Variants in CTNNA3 observed in about 807,000 individuals in gnomAD.
The protein encoded by CTNNA3 is catenin alpha-3.
Under a neutral mutation model 95.7 loss-of-function variants are expected in CTNNA3, and 76 were observed. The ratio of observed to expected loss-of-function variants is 0.79; its 90% CI spans 0.66 to 0.96. The LOEUF is 0.96. CTNNA3 is among the 40% of genes least tolerant of loss of function. CTNNA3 has a pLI of 0.00. For missense variants in CTNNA3, 1,191 were observed against 1,089.8 expected, an observed-to-expected ratio of 1.09 and a Z score of -1.31; for synonymous variants, 431 against 374.4, an observed-to-expected ratio of 1.15 and a Z score of -1.74.
intron 15 of CTNNA3, among the ~76,000 whole-genome samples, chr10:66,004,358 C>A (rs952638947): frequency 6.6e-6 from 1 of 152,184 alleles, no homozygotes; most frequent in Admixed American, 6.5e-5. Context: ...GAATTTCTTT[C>A]ATCAGAAATC....
At chr10:66,085,172 A>G (rs892883673) in intron 14 of CTNNA3, 2 of 152,176 alleles carry the variant, frequency 1.3e-5, no homozygotes, top group Admixed American at 1.3e-4. Context: ...AGATTTGTAG[A>G]AGAAGAATGA....
chr10:67,651,701 A>T (rs1381585292), intron 1 of CTNNA3, among the ~76,000 whole-genome samples: 1 of 152,206 alleles, frequency 6.6e-6, no homozygotes, highest in East Asian at 1.9e-4. Context: ...TATCATGAAG[A>T]GGCTTTTCCC....
At position 67,682,940 on chromosome 10, in the gene CTNNA3, A is replaced by G. The variant is rs539454374; in HGVS notation, c.-6+13060T>C. On this transcript the variant is annotated intron_variant, in intron 1 of 17. Coordinates refer to ENST00000433211, the MANE Select transcript of CTNNA3 (RefSeq NM_013266.4). ...GGCAGGTCTATTAGAACTGCTATGC[A>G]TCTGTCTTAACCAAATATAACTGTC... 2.6e-5 allele frequency among the ~76,000 whole-genome samples: 4 copies of G among 152,346 alleles called. No homozygotes were observed. In the East Asian group the frequency reaches 7.7e-4, roughly 29 times the overall value.
rs955295812 is a variant in CTNNA3 at position 66,962,314 on chromosome 10, T to A, written c.1048-186790A>T. Among the ~76,000 whole-genome samples, 22 of 152,136 alleles carry A rather than the reference T, an allele frequency of 1.4e-4. 1 individual carries two copies. Among genetic ancestry groups the A allele is most frequent in the African/African-American group, 4.1e-4 (17 of 41,440 alleles). Reference sequence around the variant, plus strand: ...TTACAGGAAGAGAACTTCCTCATGGTCTCCGTACTTACACCTCCTTCTGCC... The same window carrying A: ...TTACAGGAAGAGAACTTCCTCATGGACTCCGTACTTACACCTCCTTCTGCC... On this transcript the variant is annotated intron_variant, in intron 7 of 17. Transcript: ENST00000433211.
chr10:66,966,876 G>A (rs1315761228), intron 7 of CTNNA3, among the ~76,000 whole-genome samples: 1 of 152,018 alleles, frequency 6.6e-6, no homozygotes, highest in Non-Finnish European at 1.5e-5. Flanking sequence ...GACATGTTTA[G>A]TAGCTTTTCC....
At chr10:66,458,992 T>C (rs746127879) in intron 11 of CTNNA3, among the ~76,000 whole-genome samples, 20 of 152,128 alleles carry the variant, frequency 1.3e-4, no homozygotes, top group Non-Finnish European at 2.4e-4. Flanking sequence ...TATATGCAGA[T>C]ATTTTCAATA....
chr10:67,566,016 AACACAC>A (rs1392331374), intron 3 of CTNNA3, among the ~76,000 whole-genome samples: 1 of 57,200 alleles, frequency 1.7e-5, no homozygotes, highest in African/African-American at 7.2e-5. Context: ...TACACACACA[AACACAC>A]ACACACACAT....
At chr10:66,123,629 G>A (rs920138798) in intron 13 of CTNNA3, among the ~76,000 whole-genome samples, 1 of 152,106 alleles carries the variant, frequency 6.6e-6, no homozygotes, top group African/African-American at 2.4e-5. Context: ...GTTCTCCATG[G>A]GATCCCCACC....
chr10:67,118,823 A>G (rs1859322486), intron 7 of CTNNA3, among the ~76,000 whole-genome samples: 2 of 152,082 alleles, frequency 1.3e-5, no homozygotes, highest in South Asian at 4.1e-4. Context: ...GTCATCAATT[A>G]TATCATAATT....
chr10:67,099,615 T>C (rs1858218818), intron 7 of CTNNA3: 1 of 152,218 alleles, frequency 6.6e-6, no homozygotes, highest in South Asian at 2.1e-4. Context: ...AGCAAATTTT[T>C]GTTGAAAATA....
chr10:66,084,539 A>G (rs2080905128), intron 14 of CTNNA3, among the ~76,000 whole-genome samples: 1 of 152,168 alleles, frequency 6.6e-6, no homozygotes, highest in Non-Finnish European at 1.5e-5. Context: ...CCTAAAATAG[A>G]TGTTTACTAA....
intron 13 of CTNNA3, among the ~76,000 whole-genome samples, chr10:66,194,416 C>A (rs1370532181): frequency 1.3e-5 from 2 of 152,072 alleles, no homozygotes; most frequent in East Asian, 1.9e-4. Context: ...CCCGTCTCTA[C>A]TAAAAATACA....
chr10:66,870,640 T>G (rs1001460022), intron 7 of CTNNA3, among the ~76,000 whole-genome samples: 5 of 152,198 alleles, frequency 3.3e-5, no homozygotes, highest in Non-Finnish European at 5.9e-5. Context: ...TAGCCATGTT[T>G]TTCTGCTTAA....
intron 5 of CTNNA3, among the ~76,000 whole-genome samples, chr10:67,292,320 T>G (rs1280955195): frequency 6.6e-6 from 1 of 152,084 alleles, no homozygotes; most frequent in Non-Finnish European, 1.5e-5. Context: ...TGGCTGGATG[T>G]AGGTGAATGG....
At chr10:66,042,960 G>A (rs1268924824) in intron 15 of CTNNA3, among the ~76,000 whole-genome samples, 1 of 138,272 alleles carries the variant, frequency 7.2e-6, no homozygotes, top group Non-Finnish European at 1.6e-5. Context: ...TAAGTGGATT[G>A]GAGAACAGGA....
intron 2 of CTNNA3, among the ~76,000 whole-genome samples, chr10:67,623,411 C>A (rs916874615): frequency 5.9e-5 from 9 of 152,012 alleles, no homozygotes; most frequent in Non-Finnish European, 2.9e-5. Flanking sequence ...TGCTTGCTGC[C>A]TTTAGAGGGG....
intron 7 of CTNNA3, among the ~76,000 whole-genome samples, chr10:67,076,289 G>A (rs1323014382): frequency 6.6e-6 from 1 of 152,184 alleles, no homozygotes. Context: ...AGGCTAAAAT[G>A]AACTTCAGAG....
chr10:66,144,994 C>T (rs1431493623), intron 13 of CTNNA3, among the ~76,000 whole-genome samples: 2 of 120,688 alleles, frequency 1.7e-5, no homozygotes, highest in African/African-American at 6.7e-5. Flanking sequence ...TATTTGTATA[C>T]CCCTACTTTT....
At chr10:66,623,720 T>C (rs1844832930) in intron 9 of CTNNA3, among the ~76,000 whole-genome samples, 1 of 152,012 alleles carries the variant, frequency 6.6e-6, no homozygotes, top group South Asian at 2.1e-4. Flanking sequence ...GGTAATAGAG[T>C]ATATTTCAAG....
Sources: gnomAD v4.1 joint callset for allele counts (sites outside exome capture counted in the v4.1 genomes callset) on GRCh38, gnomAD v4.1.1 for gene constraint, MANE v1.5 for transcripts, NCBI Gene and HGNC (gene_info 2026-07-23, HGNC 2026-07-21) for gene names.